Variants in ZNF804B observed in about 807,000 individuals in gnomAD.
ZNF804B encodes the protein zinc finger 804B.
ZNF804B carries 80 observed loss-of-function variants against 101.4 expected under a neutral mutation model. The ratio of observed to expected loss-of-function variants is 0.79; its 90% CI spans 0.66 to 0.95. The LOEUF (loss-of-function observed/expected upper bound fraction) is 0.95, where lower values mean the gene tolerates loss of function less well. Ranked by LOEUF, ZNF804B falls within the 40% of genes least tolerant of loss-of-function variation. The pLI, the probability that ZNF804B is intolerant of heterozygous loss-of-function variation, is 0.00. For synonymous variants in ZNF804B, 622 were observed against 558.8 expected, an observed-to-expected ratio of 1.11 and a Z score of -1.59; for missense variants, 1,673 against 1,561.9, an observed-to-expected ratio of 1.07 and a Z score of -1.20.
At chr7:88,822,912 T>C (rs1791003157) in intron 1 of ZNF804B, among the ~76,000 whole-genome samples, 1 of 152,106 alleles carries the variant, frequency 6.6e-6, no homozygotes, top group South Asian at 2.1e-4. Flanking sequence ...AGTCTAGTTA[T>C]AAAAATGCAA....
rs567494407 is a variant in ZNF804B, at chr7:89,296,021, G to C, written c.250-31323G>C. ...GAAGGAGTAGGGTGGAAGAGGGAAC[G>C]GATAAAAAACTACACATTAGATACA... On this transcript the variant is annotated intron_variant, in intron 2 of 3. Transcript: ENST00000333190. Among the ~76,000 whole-genome samples, 88 of 152,036 alleles carry C rather than the reference G, an allele frequency of 5.8e-4. 1 individual carries two copies. Among genetic ancestry groups the C allele is most frequent in the African/African-American group, 2.0e-3 (85 of 41,490 alleles).
At chr7:89,290,319 C>T (rs1790267261) in intron 2 of ZNF804B, among the ~76,000 whole-genome samples, 1 of 152,140 alleles carries the variant, frequency 6.6e-6, no homozygotes, top group African/African-American at 2.4e-5. Flanking sequence ...AGAACTTCTG[C>T]TTGAGAAAAG....
At chr7:89,325,681 G>C (rs1043253654) in intron 2 of ZNF804B, among the ~76,000 whole-genome samples, 1 of 151,872 alleles carries the variant, frequency 6.6e-6, no homozygotes, top group Non-Finnish European at 1.5e-5. Flanking sequence ...CAATTGTTGT[G>C]AGTAAATGAA....
chr7:88,942,696 TAGA>T lies in ZNF804B; in HGVS notation c.108+182613_108+182615del, dbSNP rs1329539057. On this transcript the variant is annotated intron_variant, in intron 1 of 3. Coordinates refer to ENST00000333190, the MANE Select transcript of ZNF804B (RefSeq NM_181646.5). Reference sequence around the variant, plus strand: ...TAAAAAAAACCAATGGTATTTAGGTTAGACCACGTGTTACCATCAAATGAAAAT... The same window carrying T: ...TAAAAAAAACCAATGGTATTTAGGTTCCACGTGTTACCATCAAATGAAAAT... Among the ~76,000 whole-genome samples, 7 of 151,930 alleles carry T rather than the reference TAGA, an allele frequency of 4.6e-5. No homozygotes were observed. In the East Asian group the frequency reaches 1.4e-3, roughly 30 times the overall value.
chr7:89,054,334 T>A (rs907069446), intron 1 of ZNF804B, among the ~76,000 whole-genome samples: 1 of 148,658 alleles, frequency 6.7e-6, no homozygotes, highest in South Asian at 2.1e-4. Flanking sequence ...ATATATTATT[T>A]GAAACCTTAT....
At chr7:89,239,396 G>T (rs1469334478) in intron 2 of ZNF804B, among the ~76,000 whole-genome samples, 6 of 152,058 alleles carry the variant, frequency 3.9e-5, no homozygotes, top group Non-Finnish European at 7.4e-5. Flanking sequence ...AGTTCAAGTC[G>T]CTCTTAAATC....
chr7:89,089,252 G>A (rs1483145954), intron 1 of ZNF804B, among the ~76,000 whole-genome samples: 3 of 151,726 alleles, frequency 2.0e-5, no homozygotes, highest in Non-Finnish European at 4.4e-5. Flanking sequence ...ATTCTTCAGT[G>A]TTAAAATTAC....
intron 2 of ZNF804B, among the ~76,000 whole-genome samples, chr7:89,265,279 T>C (rs1407336291): frequency 2.0e-5 from 2 of 98,532 alleles, no homozygotes; most frequent in Non-Finnish European, 4.1e-5. Context: ...TGTGTGTGTG[T>C]GTGTGTGTGT....
intron 1 of ZNF804B, among the ~76,000 whole-genome samples, chr7:88,821,675 C>T (rs1238800383): frequency 6.6e-6 from 1 of 152,110 alleles, no homozygotes; most frequent in Non-Finnish European, 1.5e-5. Flanking sequence ...AAAATATTGG[C>T]TTCTTTTCTT....
At chr7:89,101,731 G>C (rs1050001729) in intron 1 of ZNF804B, among the ~76,000 whole-genome samples, 1 of 151,658 alleles carries the variant, frequency 6.6e-6, no homozygotes, top group Non-Finnish European at 1.5e-5. Flanking sequence ...TTTTAGATTC[G>C]GGGATACAAG....
At chr7:89,203,208 G>A (rs777349213) in intron 1 of ZNF804B, among the ~76,000 whole-genome samples, 8 of 152,090 alleles carry the variant, frequency 5.3e-5, no homozygotes, top group Non-Finnish European at 1.0e-4. Context: ...CACCATCAGC[G>A]CTGCCATTAG....
intron 1 of ZNF804B, among the ~76,000 whole-genome samples, chr7:88,773,900 G>A (rs1036164655): frequency 6.6e-6 from 1 of 152,030 alleles, no homozygotes; most frequent in Admixed American, 6.6e-5. Flanking sequence ...CCGCCCCAGT[G>A]ATCTGAACAC....
At position 88,787,692 on chromosome 7, in the gene ZNF804B, C is replaced by A. The variant is rs78539627; in HGVS notation, c.108+27608C>A. ...AGATCCTGTTATCACTCTCATTGTGCAGATGAGGAAACTGAGGTACAGAAA... is the reference window on the plus strand; with the variant it reads ...AGATCCTGTTATCACTCTCATTGTGAAGATGAGGAAACTGAGGTACAGAAA... On this transcript the variant is annotated intron_variant, in intron 1 of 3. Coordinates refer to ENST00000333190, the MANE Select transcript of ZNF804B (RefSeq NM_181646.5). 9.2e-3 allele frequency among the ~76,000 whole-genome samples: 1,396 copies of A among 152,228 alleles called. 18 individuals are homozygous for A. The highest frequency in any genetic ancestry group is 0.032 in the African/African-American group (1,334 of 41,552).
At chr7:88,965,756 T>C (rs1338012752) in intron 1 of ZNF804B, among the ~76,000 whole-genome samples, 2 of 151,538 alleles carry the variant, frequency 1.3e-5, no homozygotes, top group Non-Finnish European at 3.0e-5. Context: ...GAGTATTTGC[T>C]ACTTGTAAAG....
intron 2 of ZNF804B, among the ~76,000 whole-genome samples, chr7:89,253,100 G>A (rs1234600239): frequency 1.3e-5 from 2 of 152,088 alleles, no homozygotes; most frequent in Non-Finnish European, 2.9e-5. Flanking sequence ...ATATGAAAAT[G>A]CTGCTTTTCA....
intron 1 of ZNF804B, among the ~76,000 whole-genome samples, chr7:88,816,911 C>G (rs1049450560): frequency 1.2e-4 from 18 of 148,316 alleles, no homozygotes; most frequent in African/African-American, 4.5e-4. Flanking sequence ...ATAAATCATG[C>G]TGCTATAAGA....
rs186614962 is a variant in ZNF804B at position 88,959,823 on chromosome 7, C to T, written c.108+199739C>T. Among the ~76,000 whole-genome samples the T allele has an allele frequency of 5.7e-4, 86 of 151,554 alleles. 1 individual carries two copies. The highest frequency in any genetic ancestry group is 1.6e-3 in the African/African-American group (67 of 41,478). On this transcript the variant is annotated intron_variant, in intron 1 of 3. Coordinates refer to ENST00000333190, the MANE Select transcript of ZNF804B (RefSeq NM_181646.5). ...GCTTAAAATGTCATATTAGCTACCA[C>T]GCAAAAATTCATCCATCCCATGCCA...
chr7:88,824,966 G>A (rs1791032862), intron 1 of ZNF804B, among the ~76,000 whole-genome samples: 1 of 152,136 alleles, frequency 6.6e-6, no homozygotes, highest in Non-Finnish European at 1.5e-5. Flanking sequence ...ATATCACTGA[G>A]GGGAAATCCA....
At chr7:89,306,249 G>T (rs148286324) in intron 2 of ZNF804B, among the ~76,000 whole-genome samples, 6 of 151,766 alleles carry the variant, frequency 4.0e-5, no homozygotes, top group African/African-American at 1.5e-4. Context: ...TCCCATTATC[G>T]TTGTGTATTC....
Sources: allele counts gnomAD v4.1 joint callset (sites outside exome capture counted in the v4.1 genomes callset), GRCh38; gene constraint gnomAD v4.1.1; transcripts MANE v1.5; gene names NCBI Gene and HGNC (gene_info 2026-07-23, HGNC 2026-07-21).